CALN1: variants seen among roughly 807,000 people sequenced by gnomAD.
CALN1 encodes the protein calcium-binding protein 8.
CALN1 carries 17 observed loss-of-function variants against 30.6 expected under a neutral mutation model. The observed-to-expected ratio is 0.56, with a 90% confidence interval of 0.38 to 0.83. The LOEUF (loss-of-function observed/expected upper bound fraction) is 0.83. Ranked by LOEUF, CALN1 falls within the 40% of genes least tolerant of loss-of-function variation. CALN1 has a pLI of 0.00. For synonymous variants in CALN1, 156 were observed against 131.4 expected (o/e 1.19, Z -1.28); for missense variants, 291 against 354.9 (o/e 0.82, Z 1.45).
At chr7:71,946,367 C>CTTTTTTT (rs34207419) in intron 5 of CALN1, among the ~76,000 whole-genome samples, 1 of 128,682 alleles carries the variant, frequency 7.8e-6, no homozygotes, top group Non-Finnish European at 1.6e-5. Context: ...TTCTTTCTTT[C>CTTTTTTT]TTTTTTTTTT....
intron 2 of CALN1, among the ~76,000 whole-genome samples, chr7:72,338,256 C>T (rs1398672947): frequency 6.6e-6 from 1 of 152,130 alleles, no homozygotes; most frequent in African/African-American, 2.4e-5. Flanking sequence ...TCCCCAGTTT[C>T]TTGTCCCCTC....
chr7:72,016,337 AT>A (rs1800378371), intron 5 of CALN1, among the ~76,000 whole-genome samples: 1 of 151,534 alleles, frequency 6.6e-6, no homozygotes, highest in Admixed American at 6.6e-5. Flanking sequence ...GTCACATTGT[AT>A]TATAGCTTTT....
chr7:72,027,996 T>C (rs1422557418), intron 4 of CALN1, among the ~76,000 whole-genome samples: 1 of 143,238 alleles, frequency 7.0e-6, no homozygotes, highest in South Asian at 2.2e-4. Context: ...GAGGCGGAGC[T>C]TGCAGTGAGC....
chr7:72,189,798 A>T (rs1288400697), intron 3 of CALN1, among the ~76,000 whole-genome samples: 1 of 151,172 alleles, frequency 6.6e-6, no homozygotes, highest in East Asian at 1.9e-4. Context: ...TTTACTATGT[A>T]TGGAGATGAT....
chr7:72,023,489 C>T (rs575897270), intron 5 of CALN1, among the ~76,000 whole-genome samples, 168 bp downstream of exon 5: 6 of 152,106 alleles, frequency 3.9e-5, no homozygotes, highest in Non-Finnish European at 7.3e-5. Flanking sequence ...TATTTCACTC[C>T]TCCAAACCCT....
rs1453763917 is a variant in CALN1, at chr7:72,356,352, G to A, written c.119+46899C>T. Among the ~76,000 whole-genome samples the A allele has an allele frequency of 4.0e-5, 6 of 151,852 alleles. No homozygotes were observed. In the South Asian group the frequency reaches 1.0e-3, roughly 26 times the overall value. On this transcript the variant is annotated intron_variant, in intron 2 of 6. Transcript: ENST00000395275. ...ATGTTTGGTAGTTTCTTAAATCCAC[G>A]AAGAAGTAAAATACATGAAAACAAT...
At chr7:71,883,133 A>C (rs1584439239) in intron 5 of CALN1, among the ~76,000 whole-genome samples, 1 of 146,076 alleles carries the variant, frequency 6.8e-6, no homozygotes, top group South Asian at 2.1e-4. Context: ...ATAGCTCTAT[A>C]TCTATATAAA....
chr7:71,968,163 T>G (rs1797619866), intron 5 of CALN1, among the ~76,000 whole-genome samples: 1 of 152,084 alleles, frequency 6.6e-6, no homozygotes, highest in African/African-American at 2.4e-5. Context: ...AAGGGATAAA[T>G]GCACAGAGTG....
chr7:71,978,517 G>A lies in CALN1; in HGVS notation c.501+45140C>T, dbSNP rs187458592. Among the ~76,000 whole-genome samples the A allele has an allele frequency of 4.1e-4, 63 of 151,832 alleles. No homozygotes were observed. The East Asian group carries it at 0.011, about 25-fold the overall frequency. ...TCTTGATCTCCTGACCTCGTGATCC[G>A]CCCACCTCAGCCTCCCAAAGTGCTG... is the stretch of plus-strand genomic sequence containing the variant. On this transcript the variant is annotated intron_variant, in intron 5 of 6. Transcript: ENST00000395275.
At chr7:72,209,955 T>C (rs1329114226) in intron 3 of CALN1, among the ~76,000 whole-genome samples, 1 of 152,076 alleles carries the variant, frequency 6.6e-6, no homozygotes, top group Non-Finnish European at 1.5e-5. Context: ...CAATCAAAAG[T>C]TCTAGATAAT....
intron 2 of CALN1, among the ~76,000 whole-genome samples, chr7:72,313,757 T>C (rs1350679587): frequency 6.6e-6 from 1 of 152,174 alleles, no homozygotes; most frequent in Non-Finnish European, 1.5e-5. Context: ...ATTGGCAAAC[T>C]GAACTCATTT....
chr7:72,128,769 G>T (rs532870426), intron 3 of CALN1, among the ~76,000 whole-genome samples: 13 of 152,320 alleles, frequency 8.5e-5, no homozygotes, highest in African/African-American at 3.1e-4. Context: ...CTACTCAGGA[G>T]GCTGAGGCAG....
chr7:72,415,116 T>C (rs895710046), upstream of CALN1, among the ~76,000 whole-genome samples: 6 of 152,246 alleles, frequency 3.9e-5, no homozygotes, highest in Admixed American at 6.5e-5. Context: ...GACCTTGGAC[T>C]TCCAGCCTCC....
At chr7:72,382,653 C>T (rs1804972909) in intron 2 of CALN1, among the ~76,000 whole-genome samples, 1 of 152,134 alleles carries the variant, frequency 6.6e-6, no homozygotes, top group African/African-American at 2.4e-5. Flanking sequence ...TCTGTTTCTT[C>T]GGTCTTTATG....
intron 3 of CALN1, among the ~76,000 whole-genome samples, chr7:72,176,128 G>C (rs1019848527): frequency 2.0e-5 from 3 of 152,190 alleles, no homozygotes; most frequent in South Asian, 2.1e-4. Context: ...CTGTAAGAGA[G>C]AGCACCTGAC....
chr7:72,263,423 A>C (rs1012528286), intron 3 of CALN1, among the ~76,000 whole-genome samples: 1 of 151,492 alleles, frequency 6.6e-6, no homozygotes, highest in Non-Finnish European at 1.5e-5. Flanking sequence ...TTAACCAGGG[A>C]CTCACTCTGT....
intron 3 of CALN1, among the ~76,000 whole-genome samples, chr7:72,254,105 C>T (rs1795750443): frequency 6.6e-6 from 1 of 152,088 alleles, no homozygotes; most frequent in Non-Finnish European, 1.5e-5. Flanking sequence ...GTGGCTCTGA[C>T]TATTGGGTAG....
chr7:72,209,567 CTT>C (rs1437503499), intron 3 of CALN1, among the ~76,000 whole-genome samples: 2 of 150,126 alleles, frequency 1.3e-5, no homozygotes, highest in Admixed American at 6.7e-5. Flanking sequence ...CTCTCCCTCT[CTT>C]TCTCTTTGCA....
chr7:72,329,252 C>G (rs1422371189), intron 2 of CALN1, among the ~76,000 whole-genome samples: 1 of 152,214 alleles, frequency 6.6e-6, no homozygotes, highest in East Asian at 1.9e-4. Context: ...ATTTTCTCTC[C>G]ATCTGTTACT....
Sources: allele counts gnomAD v4.1 joint callset (sites outside exome capture counted in the v4.1 genomes callset), GRCh38; gene constraint gnomAD v4.1.1; transcripts MANE v1.5; gene names NCBI Gene and HGNC (gene_info 2026-07-23, HGNC 2026-07-21).